The following PRKCE variants were observed in gnomAD, a reference collection of about 807,000 sequenced individuals.
PRKCE encodes the protein protein kinase C epsilon type.
In PRKCE, 16 loss-of-function variants were observed where a neutral mutation model predicts 85.4. The observed-to-expected ratio is 0.19, with a 90% confidence interval of 0.13 to 0.28. PRKCE has a LOEUF of 0.28. Ranked by LOEUF, PRKCE falls within the 10% of genes least tolerant of loss-of-function variation. The pLI, the probability that PRKCE is intolerant of heterozygous loss-of-function variation, is 1.00. For synonymous variants in PRKCE, 388 were observed against 371.5 expected (o/e 1.04, Z -0.51); for missense variants, 573 against 975.2 (o/e 0.59, Z 5.49).
intron 1 of PRKCE, among the ~76,000 whole-genome samples, chr2:45,772,511 A>G (rs1321962662): frequency 6.6e-6 from 1 of 152,186 alleles, no homozygotes; most frequent in Non-Finnish European, 1.5e-5. Context: ...CATGATATTC[A>G]TTGATCACTT....
Position 46,185,419 on chromosome 2 carries a change from T to G in PRKCE, c.*538T>G, listed in dbSNP as rs1441777673. 1 of 152,874 alleles carries G rather than the reference T, an allele frequency of 6.5e-6. No individual in the cohort carries two copies. The highest frequency in any genetic ancestry group is 1.5e-5 in the Non-Finnish European group (1 of 68,268). 9.5% of individuals were successfully genotyped at this position (152,874 alleles called of 1,614,324 possible). ...CCCTCTGAGGGAGGGAGACCAGAGA[T>G]GCAGGGATTGGCCAGCTGGGTTGGT... On this transcript the variant is annotated 3_prime_UTR_variant, in exon 15 of 15. Coordinates refer to ENST00000306156, the MANE Select transcript of PRKCE (RefSeq NM_005400.3). The surrounding 1 kb of genome is among the most constrained non-coding windows in gnomAD (Gnocchi z 4.7).
chr2:45,658,327 T>A (rs1341893833), intron 1 of PRKCE, among the ~76,000 whole-genome samples: 1 of 152,238 alleles, frequency 6.6e-6, no homozygotes, highest in Admixed American at 6.5e-5. Context: ...ACAGACAACC[T>A]CTTGGCATTG....
At chr2:45,955,893 T>A (rs1013464372) in intron 2 of PRKCE, among the ~76,000 whole-genome samples, 1 of 152,192 alleles carries the variant, frequency 6.6e-6, no homozygotes, top group Admixed American at 6.5e-5. Context: ...GTATAACCAT[T>A]ATCGCAATAA....
chr2:45,669,648 A>G (rs917348200), intron 1 of PRKCE, among the ~76,000 whole-genome samples: 2 of 152,178 alleles, frequency 1.3e-5, no homozygotes, highest in African/African-American at 4.8e-5. Context: ...GCCTTGTCCT[A>G]CTCTGTTCGT....
At chr2:46,028,342 G>A (rs1660949109) in intron 10 of PRKCE, among the ~76,000 whole-genome samples, 1 of 152,324 alleles carries the variant, frequency 6.6e-6, no homozygotes, top group Admixed American at 6.5e-5. Flanking sequence ...CAACATTTGT[G>A]TTTTGCAACA....
intron 2 of PRKCE, among the ~76,000 whole-genome samples, chr2:45,924,780 G>A (rs550403081): frequency 9.0e-4 from 137 of 152,380 alleles, no homozygotes; most frequent in African/African-American, 3.1e-3. Flanking sequence ...GCAGCAAAGA[G>A]TTGCATGGAA....
intron 2 of PRKCE, among the ~76,000 whole-genome samples, chr2:45,954,268 A>T (rs534466479): frequency 4.3e-4 from 65 of 152,350 alleles, no homozygotes; most frequent in Non-Finnish European, 7.9e-4. Flanking sequence ...ATGACAGCTA[A>T]TGGCTTCCTT....
At chr2:46,110,001 T>C (rs1343844033) in intron 11 of PRKCE, among the ~76,000 whole-genome samples, 1 of 152,180 alleles carries the variant, frequency 6.6e-6, no homozygotes, top group Non-Finnish European at 1.5e-5. Flanking sequence ...GCAGACTACA[T>C]TGATTTTCAA....
chr2:46,003,226 T>C (rs1704855275), intron 7 of PRKCE, among the ~76,000 whole-genome samples: 1 of 152,224 alleles, frequency 6.6e-6, no homozygotes, highest in Non-Finnish European at 1.5e-5. Context: ...TCAGACTTTC[T>C]GGTGTTTTGG....
At chr2:45,772,374 G>A (rs1412755370) in intron 1 of PRKCE, among the ~76,000 whole-genome samples, 1 of 152,094 alleles carries the variant, frequency 6.6e-6, no homozygotes, top group Non-Finnish European at 1.5e-5. Flanking sequence ...AGAAAAGGGA[G>A]GTGGTAGAAG....
chr2:46,158,886 C>T (rs1010007987), intron 13 of PRKCE, among the ~76,000 whole-genome samples: 5 of 152,116 alleles, frequency 3.3e-5, no homozygotes, highest in Admixed American at 6.5e-5. Context: ...ATAGGAATAA[C>T]AAGTTCACCT....
At chr2:45,817,626 G>A (rs187741867) in intron 1 of PRKCE, among the ~76,000 whole-genome samples, 64 of 152,228 alleles carry the variant, frequency 4.2e-4, no homozygotes, top group Non-Finnish European at 3.8e-4. Flanking sequence ...CCCGGAAAGC[G>A]GAGCTTGCAG....
At position 46,007,590 on chromosome 2, in the gene PRKCE, G is replaced by C. The variant is rs748331807; in HGVS notation, c.1192G>C (p.Gly398Arg). The C allele has an allele frequency of 6.3e-7, 1 of 1,599,804 alleles. No individual in the cohort carries two copies. Among genetic ancestry groups the C allele is most frequent in the South Asian group, 1.1e-5 (1 of 91,082 alleles). The part of the protein sequence containing the change: ...SPGENGEVRQ[G>R]QAKRLGLDEF... ...CGGTGAGAATGGCGAAGTCCGGCAA[G>C]GCCAGGCCAAGCGCCTGGGCCTGGA... The change falls in exon 9 of 15, where the codon GGC becomes CGC. Residue 398 changes from glycine to arginine, a missense_variant. Transcript: ENST00000306156.
At chr2:45,947,563 A>G (rs1700324256) in intron 2 of PRKCE, among the ~76,000 whole-genome samples, 1 of 152,228 alleles carries the variant, frequency 6.6e-6, no homozygotes, top group Non-Finnish European at 1.5e-5. Flanking sequence ...AAATAACCTA[A>G]TAACAATACT....
intron 1 of PRKCE, among the ~76,000 whole-genome samples, chr2:45,794,281 C>T (rs1000354174): frequency 2.6e-5 from 4 of 151,998 alleles, no homozygotes; most frequent in Admixed American, 1.3e-4. Context: ...ACACATGGCC[C>T]GAGATGAGCT....
intron 11 of PRKCE, among the ~76,000 whole-genome samples, chr2:46,110,263 G>A (rs1672127754): frequency 6.6e-6 from 1 of 152,044 alleles, no homozygotes; most frequent in Admixed American, 6.6e-5. Flanking sequence ...GTGGATAATT[G>A]GTGTCATTTC....
intron 1 of PRKCE, among the ~76,000 whole-genome samples, chr2:45,795,075 C>A (rs980119452): frequency 6.6e-6 from 1 of 152,320 alleles, no homozygotes; most frequent in South Asian, 2.1e-4. Flanking sequence ...GTGAGGCCAG[C>A]ACCTCTTCTC....
At chr2:45,720,422 G>A (rs1393952368) in intron 1 of PRKCE, among the ~76,000 whole-genome samples, 1 of 152,108 alleles carries the variant, frequency 6.6e-6, no homozygotes, top group Non-Finnish European at 1.5e-5. Flanking sequence ...AGTTTTCTGT[G>A]AGCGAGTGAG....
At chr2:45,892,138 C>T (rs1209725656) in intron 2 of PRKCE, among the ~76,000 whole-genome samples, 1 of 152,204 alleles carries the variant, frequency 6.6e-6, no homozygotes, top group Non-Finnish European at 1.5e-5. Context: ...TTCAATGGTT[C>T]TGTTTTCCAG....
Sources: allele counts gnomAD v4.1 joint callset (sites outside exome capture counted in the v4.1 genomes callset), GRCh38; gene constraint gnomAD v4.1.1; non-coding constraint Gnocchi (gnomAD v3.1); transcripts MANE v1.5; gene names NCBI Gene and HGNC (gene_info 2026-07-23, HGNC 2026-07-21).